UBE2E3: variants seen among roughly 807,000 people sequenced by gnomAD.
UBE2E3 encodes ubiquitin conjugating enzyme E2 E3.
In UBE2E3, 5 loss-of-function variants were observed where a neutral mutation model predicts 23.6. The observed-to-expected ratio is 0.21, with a 90% CI of 0.11 to 0.44. UBE2E3 has a LOEUF of 0.44. UBE2E3 is among the 20% of genes least tolerant of loss of function. The probability of loss-of-function intolerance (pLI) is 0.99; values close to 1 mark genes in which losing one functional copy is unlikely to be tolerated. For synonymous variants in UBE2E3, 78 were observed against 87.5 expected, an observed-to-expected ratio of 0.89 and a Z score of 0.60; for missense variants, 81 against 249.8, an observed-to-expected ratio of 0.32 and a Z score of 4.55.
chr2:181,039,606 T>C (rs1408014389), intron 3 of UBE2E3, among the ~76,000 whole-genome samples: 1 of 151,976 alleles, frequency 6.6e-6, no homozygotes, highest in Non-Finnish European at 1.5e-5. Flanking sequence ...CTCCCATCTC[T>C]ACAAAAAAAC....
At chr2:181,044,297 A>C (rs959358349) in intron 3 of UBE2E3, among the ~76,000 whole-genome samples, 5 of 152,182 alleles carry the variant, frequency 3.3e-5, no homozygotes, top group African/African-American at 9.7e-5. Flanking sequence ...ACAGTGCTAC[A>C]ACTAAAAATT....
At chr2:181,033,121 T>A (rs949255265) in intron 3 of UBE2E3, among the ~76,000 whole-genome samples, 1 of 152,184 alleles carries the variant, frequency 6.6e-6, no homozygotes, top group African/African-American at 2.4e-5. Context: ...AATTTATAGA[T>A]TCAATGCCAT....
chr2:181,021,474 T>TC (rs1491317128), intron 3 of UBE2E3, among the ~76,000 whole-genome samples: 2 of 142,186 alleles, frequency 1.4e-5, no homozygotes, highest in African/African-American at 5.3e-5. Flanking sequence ...TTTTTCTCTT[T>TC]CTTTCTCTCT....
chr2:180,996,720 C>G (rs1684830863), intron 3 of UBE2E3, among the ~76,000 whole-genome samples: 2 of 152,048 alleles, frequency 1.3e-5, no homozygotes, highest in South Asian at 4.2e-4. Flanking sequence ...GTAGTGATAG[C>G]AAATCATAAT....
At chr2:180,991,296 A>G (rs1684649804) in intron 3 of UBE2E3, among the ~76,000 whole-genome samples, 2 of 152,170 alleles carry the variant, frequency 1.3e-5, no homozygotes, top group African/African-American at 4.8e-5. Context: ...TATTGATTAT[A>G]TACTGTGTTT....
At chr2:180,989,057 A>G (rs1307003861) in intron 3 of UBE2E3, among the ~76,000 whole-genome samples, 1 of 152,168 alleles carries the variant, frequency 6.6e-6, no homozygotes, top group East Asian at 1.9e-4. Context: ...TTGTATTATT[A>G]GTTTTATTGT....
At chr2:181,024,599 G>A (rs923332951) in intron 3 of UBE2E3, among the ~76,000 whole-genome samples, 1 of 152,014 alleles carries the variant, frequency 6.6e-6, no homozygotes, top group African/African-American at 2.4e-5. Context: ...GATGTGCTAT[G>A]TAGATATGAA....
chr2:180,982,005 T>G lies in UBE2E3; in HGVS notation c.-25-13T>G. 6.4e-7 allele frequency: 1 copy of G among 1,568,102 alleles called. No homozygotes were observed. The highest frequency in any genetic ancestry group is 1.4e-5 in the African/African-American group (1 of 72,800). On this transcript the variant is annotated splice_polypyrimidine_tract_variant and intron_variant, in intron 1 of 5. Transcript: ENST00000410062. ...AACATTTTCTCCTCCTCCTCCCCTG[T>G]TCTCTTTAAAAGTTTTCCAAGAGAT...
At chr2:180,997,672 T>C (rs922245477) in intron 3 of UBE2E3, among the ~76,000 whole-genome samples, 1 of 152,120 alleles carries the variant, frequency 6.6e-6, no homozygotes, top group East Asian at 1.9e-4. Context: ...TCTTTATTTT[T>C]ATCTTATCTT....
At chr2:180,987,701 GT>G (rs1289516477) in intron 3 of UBE2E3, among the ~76,000 whole-genome samples, 1 of 152,098 alleles carries the variant, frequency 6.6e-6, no homozygotes, top group African/African-American at 2.4e-5. Context: ...TAAACCAGTA[GT>G]TGATAATCTC....
At chr2:181,060,272 A>G (rs202161852) in intron 4 of UBE2E3, among the ~76,000 whole-genome samples, 3 of 151,648 alleles carry the variant, frequency 2.0e-5, no homozygotes, top group South Asian at 2.1e-4. Context: ...TTAAAAAAAA[A>G]TCTTCATCAG....
chr2:181,018,343 G>A (rs963303127), intron 3 of UBE2E3, among the ~76,000 whole-genome samples: 7 of 150,088 alleles, frequency 4.7e-5, no homozygotes, highest in African/African-American at 1.7e-4. Flanking sequence ...TTACACATGT[G>A]TTTAATATTT....
chr2:181,030,903 T>G (rs1255644149), intron 3 of UBE2E3, among the ~76,000 whole-genome samples: 1 of 152,116 alleles, frequency 6.6e-6, no homozygotes, highest in African/African-American at 2.4e-5. Flanking sequence ...ACCCAAAAAT[T>G]TAAAAAAAAT....
At chr2:181,019,735 T>A (rs1685613368) in intron 3 of UBE2E3, among the ~76,000 whole-genome samples, 1 of 152,232 alleles carries the variant, frequency 6.6e-6, no homozygotes, top group South Asian at 2.1e-4. Context: ...GCTTGATATT[T>A]TGGTATGTAT....
At chr2:181,016,407 A>C (rs991451772) in intron 3 of UBE2E3, among the ~76,000 whole-genome samples, 1 of 152,134 alleles carries the variant, frequency 6.6e-6, no homozygotes, top group African/African-American at 2.4e-5. Flanking sequence ...ATCAATAAAA[A>C]TGACAGGGTT....
chr2:181,053,599 A>C (rs914779217), intron 3 of UBE2E3, among the ~76,000 whole-genome samples: 1 of 151,426 alleles, frequency 6.6e-6, no homozygotes, highest in Non-Finnish European at 1.5e-5. Context: ...AACCCCTTGT[A>C]TCTCTGCCCC....
At chr2:181,057,489 C>G (rs1203513711) in intron 3 of UBE2E3, among the ~76,000 whole-genome samples, 2 of 151,710 alleles carry the variant, frequency 1.3e-5, no homozygotes, top group Non-Finnish European at 2.9e-5. Context: ...ACTTTTCTTG[C>G]ATTTCCTCTG....
At chr2:180,999,022 C>G (rs1448615112) in intron 3 of UBE2E3, among the ~76,000 whole-genome samples, 1 of 152,030 alleles carries the variant, frequency 6.6e-6, no homozygotes, top group Non-Finnish European at 1.5e-5. Flanking sequence ...TATTCTAGAG[C>G]ATAAGAAAAG....
At chr2:180,986,112 T>C (rs1466849859) in intron 3 of UBE2E3, among the ~76,000 whole-genome samples, 1 of 152,152 alleles carries the variant, frequency 6.6e-6, no homozygotes, top group Non-Finnish European at 1.5e-5. Flanking sequence ...ACTTTGGGCT[T>C]TCTGTGAACA....
Sources: gnomAD v4.1 joint callset for allele counts (sites outside exome capture counted in the v4.1 genomes callset) on GRCh38, gnomAD v4.1.1 for gene constraint, MANE v1.5 for transcripts, NCBI Gene and HGNC (gene_info 2026-07-23, HGNC 2026-07-21) for gene names.